PPP2R2D: variants seen among roughly 807,000 people sequenced by gnomAD.
The protein encoded by PPP2R2D is serine/threonine-protein phosphatase 2A 55 kDa regulatory subunit B delta isoform.
PPP2R2D carries 9 observed loss-of-function variants against 31.1 expected under a neutral mutation model. The observed-to-expected ratio is 0.29, with a 90% CI of 0.17 to 0.51. PPP2R2D has a LOEUF of 0.51. Among genes scored for constraint, PPP2R2D ranks in the 20% least tolerant of loss-of-function variants. PPP2R2D has a pLI of 0.98. For synonymous variants in PPP2R2D, 179 were observed against 172.6 expected (o/e 1.04, Z -0.29); for missense variants, 391 against 465.6 (o/e 0.84, Z 1.48).
intron 2 of PPP2R2D, among the ~76,000 whole-genome samples, chr10:131,913,013 T>G (rs1176024300): frequency 6.6e-6 from 1 of 151,978 alleles, no homozygotes; most frequent in African/African-American, 2.4e-5. Context: ...GTAAAAGTGG[T>G]TTTTTTGGTT....
At chr10:131,924,104 A>G (rs2119817693) in intron 2 of PPP2R2D, among the ~76,000 whole-genome samples, 1 of 152,240 alleles carries the variant, frequency 6.6e-6, no homozygotes, top group South Asian at 2.1e-4. Context: ...AATTCCTCCC[A>G]TTCCATGAGT....
chr10:131,961,599 C>T (rs1266318132), downstream of PPP2R2D, among the ~76,000 whole-genome samples: 3 of 152,130 alleles, frequency 2.0e-5, no homozygotes, highest in South Asian at 2.1e-4. Context: ...GGTGACAGTG[C>T]GGGGCTGCCT....
chr10:131,946,090 G>A (rs782482978), intron 7 of PPP2R2D, among the ~76,000 whole-genome samples: 18 of 152,146 alleles, frequency 1.2e-4, no homozygotes, highest in Non-Finnish European at 1.9e-4. Context: ...TGAGACCTGG[G>A]CTGAGGCCGC....
intron 2 of PPP2R2D, among the ~76,000 whole-genome samples, chr10:131,915,461 C>T (rs182294862): frequency 1.3e-5 from 2 of 152,268 alleles, no homozygotes; most frequent in African/African-American, 2.4e-5. Context: ...CACTTAACAA[C>T]GGTCCATCTT....
At chr10:131,970,715 C>T in the PPP2R2D span, 2 of 1,614,184 alleles carry the variant, frequency 1.2e-6, no homozygotes, top group Non-Finnish European at 1.7e-6. The surrounding 1 kb of genome is among the most constrained non-coding windows in gnomAD (Gnocchi z 4.1). Context: ...AGAATATGCC[C>T]CCTTTCTTCA....
chr10:131,917,848 T>G (rs1442938655), intron 2 of PPP2R2D, among the ~76,000 whole-genome samples: 3 of 90,606 alleles, frequency 3.3e-5, no homozygotes, highest in Non-Finnish European at 6.5e-5. Context: ...GACACAGTGT[T>G]TGTAGGGACC....
At chr10:131,909,885 A>G (rs944478503) in intron 2 of PPP2R2D, among the ~76,000 whole-genome samples, 1 of 152,246 alleles carries the variant, frequency 6.6e-6, no homozygotes, top group African/African-American at 2.4e-5. Context: ...CTTTTTAATG[A>G]GAAACAACTT....
In PPP2R2D at chr10:131,957,387, C is replaced by A; in HGVS notation, c.*1424C>A. 1 of 204,232 alleles carries A rather than the reference C, an allele frequency of 4.9e-6. No homozygotes were observed. Among genetic ancestry groups the A allele is most frequent in the Non-Finnish European group, 9.9e-6 (1 of 100,590 alleles). 12.7% of individuals were successfully genotyped at this position (204,232 alleles called of 1,614,324 possible). The stretch of plus-strand genomic sequence containing the variant: ...TGTGGAGATGGAGGTGTGTGCTGCT[C>A]CCTCGTGCCCCTGTGGAGATGGAGG... On this transcript the variant is annotated 3_prime_UTR_variant, in exon 9 of 9. Transcript: ENST00000455566.
intron 8 of PPP2R2D, among the ~76,000 whole-genome samples, chr10:131,950,171 C>T (rs150691749): frequency 6.6e-6 from 1 of 152,192 alleles, no homozygotes; most frequent in Non-Finnish European, 1.5e-5. Context: ...AGAAGAAATG[C>T]GGGCTAAAGA....
At chr10:131,936,218 G>C (rs2036336868) in intron 3 of PPP2R2D, among the ~76,000 whole-genome samples, 1 of 151,418 alleles carries the variant, frequency 6.6e-6, no homozygotes, top group African/African-American at 2.4e-5. Context: ...CGTGATCTTG[G>C]CTCACTGCAA....
chr10:131,942,522 T>A (rs1554897368), intron 5 of PPP2R2D, among the ~76,000 whole-genome samples: 1 of 152,172 alleles, frequency 6.6e-6, no homozygotes, highest in African/African-American at 2.4e-5. Context: ...TTGCTGTTTT[T>A]AAATTTTTGC....
At chr10:131,904,509 CA>C (rs1199167210) in intron 2 of PPP2R2D, among the ~76,000 whole-genome samples, 50 of 142,888 alleles carry the variant, frequency 3.5e-4, no homozygotes, top group Admixed American at 3.5e-4. Flanking sequence ...GACTTTGTCT[CA>C]AAAAAAAAAA....
At chr10:131,906,963 A>T (rs2035598539) in intron 2 of PPP2R2D, among the ~76,000 whole-genome samples, 1 of 151,560 alleles carries the variant, frequency 6.6e-6, no homozygotes, top group South Asian at 2.1e-4. Context: ...AAATAATAAT[A>T]ATTATATATG....
intron 3 of PPP2R2D, among the ~76,000 whole-genome samples, chr10:131,937,222 G>T (rs765084931): frequency 3.9e-4 from 60 of 152,154 alleles, no homozygotes; most frequent in Admixed American, 7.9e-4. Flanking sequence ...AAGACGAGGT[G>T]GGAAGCATAG....
chr10:131,970,891 G>C, the PPP2R2D span: 2 of 1,614,222 alleles, frequency 1.2e-6, no homozygotes, highest in Non-Finnish European at 1.7e-6. This position sits in a 1 kb window ranked among gnomAD's most constrained non-coding sequence, Gnocchi z 4.1. Flanking sequence ...CGGCCGACTT[G>C]ACCAATCCCA....
chr10:131,901,639 A>C (rs970018750), intron 2 of PPP2R2D, among the ~76,000 whole-genome samples: 4 of 151,962 alleles, frequency 2.6e-5, no homozygotes, highest in African/African-American at 9.7e-5. Context: ...GGCGGAACCG[A>C]AGCCCGGGGC....
the PPP2R2D span, chr10:131,967,793 C>G: frequency 2.6e-5 from 4 of 152,398 alleles, no homozygotes; most frequent in African/African-American, 7.2e-5. Context: ...AAGTTGAACA[C>G]AAAGGAGAGG....
intron 2 of PPP2R2D, chr10:131,911,742 T>C (rs986205477): frequency 0.29 from 43,422 of 151,936 alleles, 6,295 homozygotes; most frequent in East Asian, 0.45. Flanking sequence ...TTCTTGACCG[T>C]TGCACCCTCA....
At chr10:131,914,916 TAAGAA>T (rs2035750171) in intron 2 of PPP2R2D, among the ~76,000 whole-genome samples, 1 of 152,074 alleles carries the variant, frequency 6.6e-6, no homozygotes, top group Non-Finnish European at 1.5e-5. Flanking sequence ...AAAGTGCCCT[TAAGAA>T]AAGGTAAAGA....
Sources: allele counts gnomAD v4.1 joint callset (sites outside exome capture counted in the v4.1 genomes callset), GRCh38; gene constraint gnomAD v4.1.1; non-coding constraint Gnocchi (gnomAD v3.1); transcripts MANE v1.5; gene names NCBI Gene and HGNC (gene_info 2026-07-23, HGNC 2026-07-21).